Variants in PCDHGB2 observed in about 807,000 individuals in gnomAD.
PCDHGB2 encodes the protein protocadherin gamma-B2.
Under a neutral mutation model 59.3 loss-of-function variants are expected in PCDHGB2, and 55 were observed. The observed-to-expected ratio is 0.93, with a 90% CI of 0.75 to 1.16. The LOEUF (loss-of-function observed/expected upper bound fraction) is 1.16. PCDHGB2 is among the 50% of genes most tolerant of loss of function. The pLI, the probability that PCDHGB2 is intolerant of heterozygous loss-of-function variation, is 0.00. For missense variants in PCDHGB2, 1,228 were observed against 1,198.5 expected, an observed-to-expected ratio of 1.02 and a Z score of -0.36; for synonymous variants, 516 against 512.0, an observed-to-expected ratio of 1.01 and a Z score of -0.11.
At chr5:141,410,132 G>T (rs1278988827) in intron 1 of PCDHGB2, 1 of 1,612,754 alleles carries the variant, frequency 6.2e-7, no homozygotes, top group Non-Finnish European at 8.5e-7. Flanking sequence ...GCGCCTGCTG[G>T]TCGCTGTGCG....
chr5:141,364,628 C>T (rs1484570270), intron 1 of PCDHGB2: 17 of 1,613,958 alleles, frequency 1.1e-5, no homozygotes, highest in Non-Finnish European at 1.1e-5. Flanking sequence ...CGCTCAGAGC[C>T]CACTGTGTGT....
chr5:141,436,048 T>G (rs553708148), intron 1 of PCDHGB2, among the ~76,000 whole-genome samples: 1 of 152,316 alleles, frequency 6.6e-6, no homozygotes, highest in South Asian at 2.1e-4. Context: ...TACATTAGTT[T>G]TCAAATAGAA....
intron 1 of PCDHGB2, chr5:141,408,675 CG>C (rs757230674): frequency 2.3e-5 from 37 of 1,613,832 alleles, no homozygotes; most frequent in Non-Finnish European, 3.1e-5. Flanking sequence ...GACCCTGCCA[CG>C]GATCCTGATA....
chr5:141,409,759 C>A, intron 1 of PCDHGB2: 1 of 1,612,958 alleles, frequency 6.2e-7, no homozygotes, highest in Non-Finnish European at 8.5e-7. Flanking sequence ...CGCAGCGCGC[C>A]TTTGATCACG....
At chr5:141,450,986 G>A (rs950903600) in intron 1 of PCDHGB2, among the ~76,000 whole-genome samples, 15 of 151,310 alleles carry the variant, frequency 9.9e-5, no homozygotes, top group Non-Finnish European at 1.3e-4. Context: ...CACCACACCC[G>A]GCTAATTTTT....
chr5:141,511,453 T>G lies in PCDHGB2; in HGVS notation c.*280T>G. 1.7e-6 allele frequency: 1 copy of G among 595,822 alleles called. No individual in the cohort carries two copies. Among genetic ancestry groups the G allele is most frequent in the Non-Finnish European group, 2.8e-6 (1 of 360,062 alleles). 36.9% of individuals were successfully genotyped at this position (595,822 alleles called of 1,614,324 possible). ...GGTTACTGTAGACACCAAGAACCATTTGCCACACCCCGTTTAGTTACAGCT... is the reference window on the plus strand; with the variant it reads ...GGTTACTGTAGACACCAAGAACCATGTGCCACACCCCGTTTAGTTACAGCT... On this transcript the variant is annotated 3_prime_UTR_variant, in exon 4 of 4. Transcript: ENST00000522605.
intron 1 of PCDHGB2, chr5:141,378,346 A>T (rs761383288): frequency 2.0e-5 from 3 of 152,252 alleles, no homozygotes; most frequent in Non-Finnish European, 2.9e-5. Context: ...AACATGGTGA[A>T]ACCCCGTCTC....
At position 141,476,606 on chromosome 5, in the gene PCDHGB2, G is replaced by T. The variant is rs2099394832; in HGVS notation, c.2422-18201G>T. The stretch of plus-strand genomic sequence containing the variant: ...GCTCGAGAGCGCGCACGATCCCGAT[G>T]TGGGAAGCAACTCTTTACAAACCTA... On this transcript the variant is annotated intron_variant, in intron 1 of 3. Transcript: ENST00000522605. The surrounding 1 kb of genome is among the most constrained non-coding windows in gnomAD (Gnocchi z 7.6). The T allele has an allele frequency of 1.9e-6, 3 of 1,614,126 alleles. No individual in the cohort carries two copies. Among genetic ancestry groups the T allele is most frequent in the Non-Finnish European group, 1.7e-6 (2 of 1,180,054 alleles).
In PCDHGB2 at chr5:141,491,665, C is replaced by A; in HGVS notation, c.2422-3142C>A. 1 of 1,613,764 alleles carries A rather than the reference C, an allele frequency of 6.2e-7. No individual in the cohort carries two copies. Among genetic ancestry groups the A allele is most frequent in the Admixed American group, 1.7e-5 (1 of 60,034 alleles). On this transcript the variant is annotated intron_variant, in intron 1 of 3. Coordinates refer to ENST00000522605, the MANE Select transcript of PCDHGB2 (RefSeq NM_018923.3). The surrounding 1 kb of genome is among the most constrained non-coding windows in gnomAD (Gnocchi z 6.9). ...TCTGGCGCTGGAGCCTGACGCCATCCGGTCCCGCTCTAATACGCTGCGGGA... is the reference window on the plus strand; with the variant it reads ...TCTGGCGCTGGAGCCTGACGCCATCAGGTCCCGCTCTAATACGCTGCGGGA...
rs951964805 is a variant in PCDHGB2, at chr5:141,512,109, C to A, written c.*936C>A. The A allele has an allele frequency of 1.0e-4, 16 of 152,656 alleles. No individual in the cohort carries two copies. The highest frequency in any genetic ancestry group is 1.5e-5 in the Non-Finnish European group (1 of 68,058). 9.5% of individuals were successfully genotyped at this position (152,656 alleles called of 1,614,324 possible). Reference sequence around the variant, plus strand: ...ACCAATAACTAGGCTGGACCCTTCCCACTACATAATAGGGCTCAGCCCAGG... The same window carrying A: ...ACCAATAACTAGGCTGGACCCTTCCAACTACATAATAGGGCTCAGCCCAGG... On this transcript the variant is annotated 3_prime_UTR_variant, in exon 4 of 4. Coordinates refer to ENST00000522605, the MANE Select transcript of PCDHGB2 (RefSeq NM_018923.3).
At chr5:141,480,649 C>A (rs2099522804) in intron 1 of PCDHGB2, among the ~76,000 whole-genome samples, 1 of 152,184 alleles carries the variant, frequency 6.6e-6, no homozygotes, top group Non-Finnish European at 1.5e-5. Flanking sequence ...AACTTGGTTG[C>A]ACATTAAAAT....
chr5:141,403,749 C>T (rs759577178), intron 1 of PCDHGB2: 2 of 1,613,652 alleles, frequency 1.2e-6, no homozygotes, highest in Non-Finnish European at 1.7e-6. Context: ...ACTGCAACAG[C>T]CAGCGACCTG....
intron 1 of PCDHGB2, chr5:141,394,972 A>T (rs766374618): frequency 1.7e-5 from 28 of 1,613,900 alleles, no homozygotes; most frequent in Non-Finnish European, 2.3e-5. Flanking sequence ...AGGCGCTGGC[A>T]CAAGTCACGC....
rs144613597 is a variant in PCDHGB2, at chr5:141,483,029, G to A, written c.2422-11778G>A. 3.9e-3 allele frequency among the ~76,000 whole-genome samples: 588 copies of A among 152,220 alleles called. 6 individuals are homozygous for A. Among genetic ancestry groups the A allele is most frequent in the Admixed American group, 0.011 (169 of 15,280 alleles). ...GAACCCGGGAGGCAGAGGTTGCAAT[G>A]AGCTGGTGTCAGGCCACTGCACTCC... On this transcript the variant is annotated intron_variant, in intron 1 of 3. Transcript: ENST00000522605.
At position 141,492,138 on chromosome 5, in the gene PCDHGB2, T is replaced by C. The variant is rs577884713; in HGVS notation, c.2422-2669T>C. ...ATTTCTCCCCAGCTCCCAGCATCTG[T>C]GACTTCACTGTTACCCTCCCTATCC... On this transcript the variant is annotated intron_variant, in intron 1 of 3. Coordinates refer to ENST00000522605, the MANE Select transcript of PCDHGB2 (RefSeq NM_018923.3). 2.4e-3 allele frequency among the ~76,000 whole-genome samples: 366 copies of C among 152,312 alleles called. 1 individual carries two copies. Among genetic ancestry groups the C allele is most frequent in the Non-Finnish European group, 3.5e-3 (238 of 68,014 alleles).
At chr5:141,376,223 C>A in intron 1 of PCDHGB2, 3 of 1,614,202 alleles carry the variant, frequency 1.9e-6, no homozygotes, top group Non-Finnish European at 2.5e-6. Context: ...GCTGCTGGCG[C>A]TCAGACTGCA....
At chr5:141,438,629 TATATATACAC>T (rs1412065186) in intron 1 of PCDHGB2, among the ~76,000 whole-genome samples, 590 of 47,950 alleles carry the variant, frequency 0.012, no homozygotes, top group African/African-American at 0.039. Flanking sequence ...TATATATATA[TATATATACAC>T]ACACACACAC....
At chr5:141,460,616 T>C (rs905095529) in intron 1 of PCDHGB2, among the ~76,000 whole-genome samples, 8 of 152,114 alleles carry the variant, frequency 5.3e-5, no homozygotes, top group Non-Finnish European at 7.4e-5. Context: ...GATGGATAGA[T>C]AGACAGATAC....
intron 1 of PCDHGB2, chr5:141,365,450 G>A: frequency 6.2e-7 from 1 of 1,614,010 alleles, no homozygotes; most frequent in Non-Finnish European, 8.5e-7. Context: ...CGTACATGAT[G>A]GTGATTCTGG....
Sources: allele counts gnomAD v4.1 joint callset (sites outside exome capture counted in the v4.1 genomes callset), GRCh38; gene constraint gnomAD v4.1.1; non-coding constraint Gnocchi (gnomAD v3.1); transcripts MANE v1.5; gene names NCBI Gene and HGNC (gene_info 2026-07-23, HGNC 2026-07-21).